The following DPP10 variants were observed in gnomAD, a reference collection of about 807,000 sequenced individuals.
DPP10 encodes inactive dipeptidyl peptidase 10.
In DPP10, 33 loss-of-function variants were observed where a neutral mutation model predicts 120.9. That is an observed-to-expected ratio of 0.27 (90% CI 0.21 to 0.37). The LOEUF is 0.37. Ranked by LOEUF, DPP10 falls within the 10% of genes least tolerant of loss-of-function variation. The pLI is 1.00. For synonymous variants in DPP10, 337 were observed against 326.1 expected (o/e 1.03, Z -0.36); for missense variants, 816 against 942.8 (o/e 0.87, Z 1.76).
chr2:115,218,553 A>G (rs1465876778), intron 1 of DPP10, among the ~76,000 whole-genome samples: 2 of 152,162 alleles, frequency 1.3e-5, no homozygotes, highest in Admixed American at 1.3e-4. Flanking sequence ...GTTCCATGTC[A>G]AATTTTGTAC....
Position 115,499,581 on chromosome 2 carries a change from T to C in DPP10, c.343T>C (p.Leu115=), listed in dbSNP as rs139947044. ...GAATATAGAAACAAATGCTACCACATTATTATTGGAAAACACAACTTTTGT... is the reference window on the plus strand; with the variant it reads ...GAATATAGAAACAAATGCTACCACACTATTATTGGAAAACACAACTTTTGT... The part of the protein sequence containing the change: ...KLNIETNATT[L]LLENTTFVTF... The change falls in exon 4 of 26, where the codon TTA becomes CTA. Residue 115 remains leucine, a synonymous_variant. Transcript: ENST00000410059. The C allele has an allele frequency of 2.9e-5, 47 of 1,611,340 alleles. No individual in the cohort carries two copies. Among genetic ancestry groups the C allele is most frequent in the Non-Finnish European group, 3.9e-5 (46 of 1,178,396 alleles).
chr2:114,991,556 T>C (rs770784344), intron 1 of DPP10, among the ~76,000 whole-genome samples: 47 of 152,268 alleles, frequency 3.1e-4, no homozygotes, highest in Non-Finnish European at 6.0e-4. Flanking sequence ...AACATATTAA[T>C]TCTACTTTAC....
rs569691168 is a variant in DPP10, at chr2:114,740,716, TGAAAG to T, written c.60+297883_60+297887del. Among the ~76,000 whole-genome samples the T allele has an allele frequency of 7.2e-5, 11 of 152,118 alleles. No homozygotes were observed. The South Asian group carries it at 2.3e-3, about 32-fold the overall frequency. On this transcript the variant is annotated intron_variant, in intron 1 of 25. Coordinates refer to ENST00000410059, the MANE Select transcript of DPP10 (RefSeq NM_020868.6). ...CCAACTAACCAGACTAAGTGAAAAA[TGAAAG>T]GAAAATATAGCATATTTTTGAAGGT...
chr2:115,728,987 A>G (rs997080018), intron 8 of DPP10, among the ~76,000 whole-genome samples: 2 of 152,216 alleles, frequency 1.3e-5, no homozygotes, highest in Admixed American at 6.5e-5. Flanking sequence ...TCTATAATAG[A>G]TTTCTGTGTA....
intron 5 of DPP10, among the ~76,000 whole-genome samples, chr2:115,570,896 T>A (rs1306825097): frequency 4.6e-5 from 7 of 152,196 alleles, no homozygotes. Flanking sequence ...TAGGGTTATT[T>A]CCAGTGATTA....
intron 21 of DPP10, among the ~76,000 whole-genome samples, chr2:115,826,473 C>A (rs943300878): frequency 1.6e-4 from 24 of 151,990 alleles, no homozygotes; most frequent in Admixed American, 6.6e-5. Context: ...GTAATCCCAG[C>A]ACTTTGGGAG....
chr2:114,577,358 A>G (rs973423177), intron 1 of DPP10, among the ~76,000 whole-genome samples: 4 of 152,194 alleles, frequency 2.6e-5, no homozygotes, highest in African/African-American at 9.7e-5. Context: ...CCCTTGGCCA[A>G]CAGGCCTTCC....
intron 1 of DPP10, among the ~76,000 whole-genome samples, chr2:114,609,852 C>T (rs1295091256): frequency 1.3e-5 from 2 of 152,288 alleles, no homozygotes; most frequent in East Asian, 3.9e-4. Context: ...TACCAGAGGA[C>T]AGTGGGAACT....
chr2:115,160,489 A>T (rs1573830833), intron 1 of DPP10, among the ~76,000 whole-genome samples: 1 of 152,220 alleles, frequency 6.6e-6, no homozygotes, highest in African/African-American at 2.4e-5. Flanking sequence ...GGCTCAGAGC[A>T]GGGAGCCAGT....
intron 2 of DPP10, among the ~76,000 whole-genome samples, chr2:115,325,606 T>C (rs2062314004): frequency 6.6e-6 from 1 of 152,146 alleles, no homozygotes; most frequent in African/African-American, 2.4e-5. Flanking sequence ...TTTGTAAAAT[T>C]AGACATTGCA....
At chr2:114,483,371 A>T (rs1681227367) in intron 1 of DPP10, among the ~76,000 whole-genome samples, 1 of 152,098 alleles carries the variant, frequency 6.6e-6, no homozygotes, top group Non-Finnish European at 1.5e-5. Flanking sequence ...GACAGTTTGA[A>T]AATGTTCAAT....
chr2:114,886,642 CT>C (rs1475807182), intron 1 of DPP10, among the ~76,000 whole-genome samples: 18 of 152,154 alleles, frequency 1.2e-4, no homozygotes, highest in Non-Finnish European at 2.6e-4. Flanking sequence ...AGCATCTGCT[CT>C]TTCATTTTTA....
At chr2:114,795,897 T>C (rs975030739) in intron 1 of DPP10, among the ~76,000 whole-genome samples, 1 of 152,160 alleles carries the variant, frequency 6.6e-6, no homozygotes, top group African/African-American at 2.4e-5. Context: ...CATGGAACCA[T>C]TAACAGTAGA....
intron 1 of DPP10, among the ~76,000 whole-genome samples, chr2:114,812,267 T>C (rs1268134291): frequency 6.6e-6 from 1 of 152,096 alleles, no homozygotes; most frequent in Non-Finnish European, 1.5e-5. Flanking sequence ...TTTTAAAAGG[T>C]TCAGTTTTTC....
intron 1 of DPP10, among the ~76,000 whole-genome samples, chr2:115,076,858 A>G (rs1707843029): frequency 6.6e-6 from 1 of 152,228 alleles, no homozygotes; most frequent in Non-Finnish European, 1.5e-5. Flanking sequence ...AGAGTTTTAT[A>G]CACAGGATAT....
intron 1 of DPP10, among the ~76,000 whole-genome samples, chr2:114,767,886 C>T (rs554233775): frequency 7.2e-5 from 11 of 152,070 alleles, no homozygotes; most frequent in Non-Finnish European, 1.3e-4. Flanking sequence ...TTTGGGATAC[C>T]GAGGCAGGCA....
intron 1 of DPP10, among the ~76,000 whole-genome samples, chr2:114,454,173 C>G (rs889600435): frequency 6.6e-6 from 1 of 151,954 alleles, no homozygotes; most frequent in South Asian, 2.1e-4. Flanking sequence ...GGTGAAGAAT[C>G]GGGAGAGAAA....
chr2:114,462,594 C>T (rs1200107488), intron 1 of DPP10, among the ~76,000 whole-genome samples: 4 of 152,106 alleles, frequency 2.6e-5, no homozygotes, highest in Non-Finnish European at 5.9e-5. Flanking sequence ...CTATTCAATT[C>T]ATATCCTAAC....
At chr2:115,594,697 G>T (rs1305690092) in intron 5 of DPP10, among the ~76,000 whole-genome samples, 1 of 152,038 alleles carries the variant, frequency 6.6e-6, no homozygotes, top group Non-Finnish European at 1.5e-5. Context: ...AGCAAGTTTT[G>T]TACTCTAGCT....
Sources: gnomAD v4.1 joint callset for allele counts (sites outside exome capture counted in the v4.1 genomes callset) on GRCh38, gnomAD v4.1.1 for gene constraint, MANE v1.5 for transcripts, NCBI Gene and HGNC (gene_info 2026-07-23, HGNC 2026-07-21) for gene names.